ELAPOR2: variants seen among roughly 807,000 people sequenced by gnomAD.
ELAPOR2 encodes the protein endosome-lysosome associated apoptosis and autophagy regulator family member 2, also known as endosome/lysosome-associated apoptosis and autophagy regulator family member 2.
A neutral mutation model predicts 120.7 loss-of-function variants in ELAPOR2; 89 were observed. That is an observed-to-expected ratio of 0.74 (90% confidence interval 0.62 to 0.88). ELAPOR2 has a LOEUF of 0.88. Among genes scored for constraint, ELAPOR2 ranks in the 40% least tolerant of loss-of-function variants. ELAPOR2 has a pLI of 0.00. For missense variants in ELAPOR2, 1,134 were observed against 1,251.6 expected, an observed-to-expected ratio of 0.91 and a Z score of 1.42; for synonymous variants, 444 against 444.9, an observed-to-expected ratio of 1.00 and a Z score of 0.03.
Position 86,942,005 on chromosome 7 carries a change from CAA to C in ELAPOR2, c.741+11_741+12del, listed in dbSNP as rs1249360910. 7 of 1,514,484 alleles carry C rather than the reference CAA, an allele frequency of 4.6e-6. No homozygotes were observed. In the South Asian group the frequency reaches 7.3e-5, roughly 16 times the overall value. The allele number at this position is 1,514,484 out of a possible 1,614,324, so 93.8% of individuals were successfully genotyped here. ...AAAATTGGCAAAGAAGAAGGAAATA[CAA>C]AGAGACTTACAGAATGAGAGCCCCA... is the stretch of plus-strand genomic sequence containing the variant. On this transcript the variant is annotated intron_variant, in intron 5 of 21. Coordinates refer to ENST00000450689, the MANE Select transcript of ELAPOR2 (RefSeq NM_001142749.3).
At chr7:86,908,019 A>C (rs991161306) in intron 17 of ELAPOR2, among the ~76,000 whole-genome samples, 2 of 152,012 alleles carry the variant, frequency 1.3e-5, no homozygotes. Context: ...ATTTTAATAA[A>C]AATTATAATC....
chr7:87,047,489 T>A (rs2129016984), intron 1 of ELAPOR2, among the ~76,000 whole-genome samples: 1 of 152,186 alleles, frequency 6.6e-6, no homozygotes, highest in South Asian at 2.1e-4. Flanking sequence ...AGGAAAAAAA[T>A]CTAATAATCT....
intron 1 of ELAPOR2, among the ~76,000 whole-genome samples, chr7:86,980,862 T>A (rs1792449180): frequency 6.6e-6 from 1 of 152,130 alleles, no homozygotes; most frequent in African/African-American, 2.4e-5. Context: ...GTTTCCCCCA[T>A]TATTAAGAAA....
intron 19 of ELAPOR2, among the ~76,000 whole-genome samples, chr7:86,895,587 C>T (rs1375545960): frequency 6.6e-6 from 1 of 152,024 alleles, no homozygotes; most frequent in Non-Finnish European, 1.5e-5. Flanking sequence ...AAAACAAATA[C>T]TAAAGAATCA....
At chr7:86,907,579 T>C (rs774871682) in intron 18 of ELAPOR2, 91 bp downstream of exon 18, 15 of 838,498 alleles carry the variant, frequency 1.8e-5, no homozygotes, top group Non-Finnish European at 2.8e-5. Context: ...CTTTCTGCTT[T>C]ATGTTCATAG....
chr7:87,053,904 T>G (rs944137867), intron 1 of ELAPOR2, among the ~76,000 whole-genome samples: 4 of 152,120 alleles, frequency 2.6e-5, no homozygotes. Flanking sequence ...AGGATGGCTA[T>G]TCATTCTCAC....
In ELAPOR2 at chr7:87,041,251, A is replaced by G. The variant is rs569286309; in HGVS notation, c.189+18074T>C. Among the ~76,000 whole-genome samples the G allele has an allele frequency of 1.7e-4, 26 of 152,194 alleles. 2 individuals are homozygous for G. In the South Asian group the frequency reaches 5.4e-3, roughly 32 times the overall value. On this transcript the variant is annotated intron_variant, in intron 1 of 21. Coordinates refer to ENST00000450689, the MANE Select transcript of ELAPOR2 (RefSeq NM_001142749.3). ...AGGCAGGCCAACGTTCAGATTCAGGAAATACAGAGAACGCCACAAAGATAC... is the reference window on the plus strand; with the variant it reads ...AGGCAGGCCAACGTTCAGATTCAGGGAATACAGAGAACGCCACAAAGATAC...
Position 86,892,996 on chromosome 7 carries a change from C to T in ELAPOR2, c.2790G>A (p.Val930=), listed in dbSNP as rs772548200. The T allele has an allele frequency of 6.8e-5, 108 of 1,578,860 alleles. No homozygotes were observed. The highest frequency in any genetic ancestry group is 8.7e-5 in the Non-Finnish European group (102 of 1,168,624). Residue 930 remains valine (V), a synonymous_variant, in exon 20 of 22, where the codon GTG becomes GTA. Coordinates refer to ENST00000450689, the MANE Select transcript of ELAPOR2 (RefSeq NM_001142749.3). ...TCETVDFWLK[V]GAGVGAFTAV... ...CAGTAAAAGCTCCCACACCGGCTCC[C>T]ACCTTCAGCCAAAAGTCAACCGTTT...
In ELAPOR2 at chr7:86,938,152, G is replaced by A; in HGVS notation, c.1063C>T (p.His355Tyr). The A allele has an allele frequency of 6.4e-7, 1 of 1,551,804 alleles. No individual in the cohort carries two copies. Among genetic ancestry groups the A allele is most frequent in the Non-Finnish European group, 8.7e-7 (1 of 1,146,374 alleles). The stretch of plus-strand genomic sequence containing the variant: ...TTTCCTTCTTCATCACATGGAGTAT[G>A]GATCTGGAAATAGTCTTTTGTGGTA... ...PCTTKDYFQI[H>Y]TPCDEEGKTQ... Residue 355 changes from histidine to tyrosine, a missense_variant, in exon 8 of 22, where the codon CAT becomes TAT. By Grantham distance (83) the His-to-Tyr change is moderately conservative. Around this residue, in one of 3 missense-constraint regions of ELAPOR2, gnomAD observed 831 missense variants for 867.6 expected, o/e 0.96. Coordinates refer to ENST00000450689, the MANE Select transcript of ELAPOR2 (RefSeq NM_001142749.3).
At chr7:86,890,069 C>T (rs576337595) in intron 21 of ELAPOR2, among the ~76,000 whole-genome samples, 95 of 151,726 alleles carry the variant, frequency 6.3e-4, no homozygotes, top group Non-Finnish European at 1.3e-3. Flanking sequence ...TTCAGTCAGT[C>T]ATATTAATCA....
chr7:87,037,838 T>A (rs1421074799), intron 1 of ELAPOR2, among the ~76,000 whole-genome samples: 1 of 152,224 alleles, frequency 6.6e-6, no homozygotes, highest in Non-Finnish European at 1.5e-5. Context: ...GTGGTCTCTG[T>A]GCATCCTGTA....
At chr7:87,053,628 G>A (rs1388487256) in intron 1 of ELAPOR2, among the ~76,000 whole-genome samples, 6 of 152,146 alleles carry the variant, frequency 3.9e-5, no homozygotes, top group Non-Finnish European at 7.4e-5. Flanking sequence ...GGGGCTGTGC[G>A]TGCAAAACAC....
At chr7:86,948,424 G>C (rs961681975) in intron 2 of ELAPOR2, among the ~76,000 whole-genome samples, 1 of 152,154 alleles carries the variant, frequency 6.6e-6, no homozygotes, top group African/African-American at 2.4e-5. Context: ...GTTGATGTGA[G>C]ATTTTGAGCT....
At chr7:87,006,488 C>A (rs556909118) in intron 1 of ELAPOR2, among the ~76,000 whole-genome samples, 1 of 152,036 alleles carries the variant, frequency 6.6e-6, no homozygotes, top group South Asian at 2.1e-4. Context: ...CAAACATGCA[C>A]ATTCTGCACA....
At position 86,923,446 on chromosome 7, in the gene ELAPOR2, A is replaced by G. The variant is rs1789916851; in HGVS notation, c.1399+2082T>C. 2.6e-5 allele frequency among the ~76,000 whole-genome samples: 4 copies of G among 152,178 alleles called. No individual in the cohort carries two copies. The South Asian group carries it at 8.3e-4, about 32-fold the overall frequency. On this transcript the variant is annotated intron_variant, in intron 10 of 21. Transcript: ENST00000450689. ...AAAAACCACTAAAAATCCTCTGCACATCTAATTTTAATAACTTAACAATGT... is the reference window on the plus strand; with the variant it reads ...AAAAACCACTAAAAATCCTCTGCACGTCTAATTTTAATAACTTAACAATGT...
chr7:87,041,551 A>G (rs1050626494), intron 1 of ELAPOR2, among the ~76,000 whole-genome samples: 2 of 152,136 alleles, frequency 1.3e-5, no homozygotes, highest in African/African-American at 4.8e-5. Context: ...CTTTACAGAC[A>G]AGCAAATGCT....
At chr7:86,894,614 C>A (rs1788350193) in intron 19 of ELAPOR2, among the ~76,000 whole-genome samples, 1 of 151,904 alleles carries the variant, frequency 6.6e-6, no homozygotes, top group African/African-American at 2.4e-5. Context: ...CAAATACCGA[C>A]ATGGAAAAAA....
intron 2 of ELAPOR2, among the ~76,000 whole-genome samples, chr7:86,956,403 T>C (rs1198491267): frequency 6.6e-6 from 1 of 152,214 alleles, no homozygotes; most frequent in East Asian, 1.9e-4. Flanking sequence ...TAGTGAAAAG[T>C]ACTGCCTTTA....
At chr7:86,946,140 A>C (rs1054687826) in intron 3 of ELAPOR2, among the ~76,000 whole-genome samples, 1 of 144,466 alleles carries the variant, frequency 6.9e-6, no homozygotes, top group Non-Finnish European at 1.5e-5. Flanking sequence ...TGCAAATTAA[A>C]ACAAAGGGAT....
Sources: allele counts gnomAD v4.1 joint callset (sites outside exome capture counted in the v4.1 genomes callset), GRCh38; gene constraint gnomAD v4.1.1; regional missense constraint gnomAD v4.1.1; transcripts MANE v1.5; gene names NCBI Gene and HGNC (gene_info 2026-07-23, HGNC 2026-07-21).